Variants in CSE1L observed in about 807,000 individuals in gnomAD.
CSE1L encodes exportin-2.
In CSE1L, 24 loss-of-function variants were observed where a neutral mutation model predicts 120.4. The ratio of observed to expected loss-of-function variants is 0.20; its 90% CI spans 0.14 to 0.28. The LOEUF is 0.28. CSE1L is among the 10% of genes least tolerant of loss of function. The pLI, the probability that CSE1L is intolerant of heterozygous loss-of-function variation, is 1.00. For missense variants in CSE1L, 830 were observed against 1,145.2 expected (o/e 0.72, Z 3.97); for synonymous variants, 402 against 398.3 (o/e 1.01, Z -0.11).
chr20:49,085,688 C>T (rs1341293216), intron 16 of CSE1L, among the ~76,000 whole-genome samples: 1 of 148,618 alleles, frequency 6.7e-6, no homozygotes, highest in South Asian at 2.1e-4. Flanking sequence ...TCTCCTGCCT[C>T]AGCCTCCCGA....
chr20:49,059,455 C>A (rs1043812962), intron 2 of CSE1L, among the ~76,000 whole-genome samples: 4 of 152,070 alleles, frequency 2.6e-5, no homozygotes, highest in Admixed American at 2.6e-4. Flanking sequence ...GATTAAGTGG[C>A]AAGTACTTTT....
intron 3 of CSE1L, among the ~76,000 whole-genome samples, chr20:49,065,312 AATTTTTTTT>A (rs1412411046): frequency 5.0e-5 from 4 of 79,398 alleles, no homozygotes; most frequent in African/African-American, 2.1e-4. Context: ...ATGAAAAAAA[AATTTTTTTT>A]TTTTTTTTTT....
intron 22 of CSE1L, 111 bp downstream of exon 22, chr20:49,092,238 A>G: frequency 1.6e-6 from 1 of 614,390 alleles, no homozygotes; most frequent in Non-Finnish European, 2.8e-6. Context: ...GTATGGAGAT[A>G]GTGTCTATGG....
At chr20:49,067,338 T>G in intron 6 of CSE1L, 58 bp downstream of exon 6, 3 of 1,118,040 alleles carry the variant, frequency 2.7e-6, no homozygotes, top group Admixed American at 4.0e-5. Context: ...CTTGAATGTT[T>G]GTATACATGT....
intron 19 of CSE1L, among the ~76,000 whole-genome samples, chr20:49,090,408 T>C (rs973910342): frequency 6.6e-6 from 1 of 151,766 alleles, no homozygotes; most frequent in Admixed American, 6.6e-5. Context: ...AAATAAAAAT[T>C]AGGTGGGTGT....
intron 14 of CSE1L, among the ~76,000 whole-genome samples, chr20:49,083,730 G>A (rs1382679718): frequency 1.3e-5 from 2 of 152,166 alleles, no homozygotes; most frequent in East Asian, 3.8e-4. Context: ...TGATTCTTAA[G>A]TTTGGTGAAA....
Position 49,072,274 on chromosome 20 carries a change from C to A in CSE1L, c.769-12C>A. ...AGTTGTATGTTGGAGTTTTTGTTTTCTTTTATGTGAGGATGAAGAGGAAGC... is the reference window on the plus strand; with the variant it reads ...AGTTGTATGTTGGAGTTTTTGTTTTATTTTATGTGAGGATGAAGAGGAAGC... On this transcript the variant is annotated splice_polypyrimidine_tract_variant and intron_variant, in intron 8 of 24. Transcript: ENST00000262982. 3 of 1,611,600 alleles carry A rather than the reference C, an allele frequency of 1.9e-6. No individual in the cohort carries two copies. Among genetic ancestry groups the A allele is most frequent in the Non-Finnish European group, 2.5e-6 (3 of 1,178,990 alleles).
intron 8 of CSE1L, among the ~76,000 whole-genome samples, chr20:49,071,798 TA>T (rs879530890): frequency 1.5e-3 from 213 of 143,652 alleles, no homozygotes; most frequent in Non-Finnish European, 1.2e-3. Flanking sequence ...CCGTCTCTAC[TA>T]AAAAAAAAAA....
At chr20:49,048,204 G>C (rs557964563) in intron 1 of CSE1L, among the ~76,000 whole-genome samples, 1 of 137,502 alleles carries the variant, frequency 7.3e-6, no homozygotes. Context: ...TCGTCTCTCC[G>C]CTCCTACAAC....
Position 49,078,631 on chromosome 20 carries a change from C to T in CSE1L, c.1482+9C>T, listed in dbSNP as rs565891629. 3 of 1,536,946 alleles carry T rather than the reference C, an allele frequency of 2.0e-6. No individual in the cohort carries two copies. Among genetic ancestry groups the T allele is most frequent in the South Asian group, 1.2e-5 (1 of 82,768 alleles). Reference sequence around the variant, plus strand: ...TGATTTTTAGAAATCAAGTAAGTAGCTTTTTATTTGTTACACGCCACTTAA... The same window carrying T: ...TGATTTTTAGAAATCAAGTAAGTAGTTTTTTATTTGTTACACGCCACTTAA... On this transcript the variant is annotated intron_variant, in intron 14 of 24. Transcript: ENST00000262982.
At chr20:49,074,409 T>C (rs2091955590) in intron 10 of CSE1L, among the ~76,000 whole-genome samples, 1 of 152,028 alleles carries the variant, frequency 6.6e-6, no homozygotes, top group Non-Finnish European at 1.5e-5. Context: ...GTTGTTGAAA[T>C]GACTTTAATG....
chr20:49,060,302 T>A (rs2091841838), intron 2 of CSE1L, among the ~76,000 whole-genome samples: 2 of 148,404 alleles, frequency 1.3e-5, no homozygotes, highest in African/African-American at 5.0e-5. Context: ...GCCAATGTGG[T>A]GAAACCCTGT....
chr20:49,058,221 T>C (rs371817873), intron 1 of CSE1L, among the ~76,000 whole-genome samples: 2 of 152,326 alleles, frequency 1.3e-5, no homozygotes. Flanking sequence ...TTTGAAATTT[T>C]GGGATTTTTT....
At chr20:49,083,023 C>G (rs917750026) in intron 14 of CSE1L, among the ~76,000 whole-genome samples, 16 of 146,632 alleles carry the variant, frequency 1.1e-4, no homozygotes, top group Non-Finnish European at 2.1e-4. Context: ...TTTTTTTTTT[C>G]TTTTTTCTTT....
chr20:49,072,613 C>T lies in CSE1L; in HGVS notation c.982C>T (p.Pro328Ser), dbSNP rs1568774515. The T allele has an allele frequency of 6.2e-7, 1 of 1,613,688 alleles. No individual in the cohort carries two copies. Among genetic ancestry groups the T allele is most frequent in the South Asian group, 1.1e-5 (1 of 90,920 alleles). Residue 328 changes from proline (P) to serine (S), a missense_variant, in exon 10 of 25, where the codon CCT (proline) becomes TCT (serine). Physicochemically the swap from Pro to Ser is moderately conservative, Grantham distance 74 (BLOSUM62 -1). Transcript: ENST00000262982. Reference protein sequence around the residue: ...IQFLASVCERPHYKNLFEDQN... With the variant: ...IQFLASVCERSHYKNLFEDQN... ...ATTTCTGGCTTCAGTTTGTGAGAGA[C>T]CTCATTATAAGAATCTATTTGAGGA... is the stretch of plus-strand genomic sequence containing the variant.
In CSE1L at chr20:49,075,417, C is replaced by G. The variant is rs556573084; in HGVS notation, c.1232C>G (p.Ser411Cys). ...GGAATCTTCTCTGGTTATGTTAATT[C>G]CATGCTGCAGGAATACGCAAAAAAT... is the stretch of plus-strand genomic sequence containing the variant. ...VTGIFSGYVN[S>C]MLQEYAKNPS... The change falls in exon 12 of 25, where the codon TCC becomes TGC. Residue 411 changes from serine to cysteine, a missense_variant. By Grantham distance (112) the Ser-to-Cys change is moderately radical. Around this residue, in one of 4 missense-constraint regions of CSE1L, gnomAD observed 543 missense variants for 640.2 expected, o/e 0.85. Coordinates refer to ENST00000262982, the MANE Select transcript of CSE1L (RefSeq NM_001316.4). 6.3e-5 allele frequency: 102 copies of G among 1,613,816 alleles called. No homozygotes were observed. Among genetic ancestry groups the G allele is most frequent in the Admixed American group, 1.3e-4 (8 of 59,976 alleles).
At chr20:49,067,823 C>T (rs773176676) in intron 6 of CSE1L, among the ~76,000 whole-genome samples, 30 of 151,460 alleles carry the variant, frequency 2.0e-4, no homozygotes, top group Non-Finnish European at 4.3e-4. Context: ...GCAGCCTCAA[C>T]TACCCAAGCT....
At chr20:49,079,205 T>TTTTA (rs1438279543) in intron 14 of CSE1L, among the ~76,000 whole-genome samples, 69 of 150,900 alleles carry the variant, frequency 4.6e-4, no homozygotes, top group African/African-American at 1.6e-3. Flanking sequence ...CTTCCTTTCC[T>TTTTA]TTTATTTATT....
chr20:49,078,672 T>A, intron 14 of CSE1L, 50 bp downstream of exon 14: 1 of 1,226,124 alleles, frequency 8.2e-7, no homozygotes, highest in Non-Finnish European at 1.1e-6. Flanking sequence ...TTAAGAGTTT[T>A]ATTATGTACC....
Sources: gnomAD v4.1 joint callset for allele counts (sites outside exome capture counted in the v4.1 genomes callset) on GRCh38, gnomAD v4.1.1 for gene constraint, gnomAD v4.1.1 regional missense constraint, MANE v1.5 for transcripts, NCBI Gene and HGNC (gene_info 2026-07-23, HGNC 2026-07-21) for gene names.